The following RAD51B variants were observed in gnomAD, a reference collection of about 807,000 sequenced individuals.
RAD51B encodes the protein RAD51 paralog B.
RAD51B carries 38 observed loss-of-function variants against 42.2 expected under a neutral mutation model. The ratio of observed to expected loss-of-function variants is 0.90; its 90% CI spans 0.70 to 1.18. The LOEUF (loss-of-function observed/expected upper bound fraction) is 1.18. Among genes scored for constraint, RAD51B ranks in the 50% most tolerant of loss-of-function variants. RAD51B has a pLI of 0.00. For synonymous variants in RAD51B, 154 were observed against 145.2 expected (o/e 1.06, Z -0.43); for missense variants, 373 against 400.7 (o/e 0.93, Z 0.59).
chr14:68,629,537 A>T (rs1481616080), intron 10 of RAD51B, among the ~76,000 whole-genome samples: 1 of 152,210 alleles, frequency 6.6e-6, no homozygotes, highest in Non-Finnish European at 1.5e-5. Flanking sequence ...CAGCTTGCGA[A>T]CAAAGCTTTC....
chr14:67,955,354 A>C (rs2140216422), intron 7 of RAD51B, among the ~76,000 whole-genome samples: 1 of 152,328 alleles, frequency 6.6e-6, no homozygotes, highest in East Asian at 1.9e-4. Context: ...GCCAATATGC[A>C]CTTAGGATTT....
At chr14:68,152,936 TC>T (rs1369173206) in intron 7 of RAD51B, among the ~76,000 whole-genome samples, 4 of 152,210 alleles carry the variant, frequency 2.6e-5, no homozygotes, top group African/African-American at 9.7e-5. Context: ...ATGATTTCAT[TC>T]CTTTTTATGG....
chr14:67,991,144 A>G (rs1033146517), intron 7 of RAD51B, among the ~76,000 whole-genome samples: 2 of 152,228 alleles, frequency 1.3e-5, no homozygotes, highest in African/African-American at 4.8e-5. Flanking sequence ...CCACTGCTGC[A>G]GTAGCCTGGG....
chr14:67,880,132 T>C (rs2042860171), intron 5 of RAD51B, among the ~76,000 whole-genome samples: 1 of 152,216 alleles, frequency 6.6e-6, no homozygotes, highest in Admixed American at 6.5e-5. Context: ...TCTCCACTGA[T>C]CTGAACAAAA....
chr14:68,237,758 A>G (rs1417938540), intron 7 of RAD51B, among the ~76,000 whole-genome samples: 10 of 109,990 alleles, frequency 9.1e-5, no homozygotes, highest in African/African-American at 2.6e-4. Flanking sequence ...TTTTTTTGAG[A>G]CGGAGTCTTG....
chr14:68,002,444 A>G (rs2075503072), intron 7 of RAD51B, among the ~76,000 whole-genome samples: 1 of 152,114 alleles, frequency 6.6e-6, no homozygotes, highest in Non-Finnish European at 1.5e-5. Flanking sequence ...CCTTTGTCAG[A>G]CAGATATATT....
At chr14:68,152,723 CTT>C (rs3072524) in intron 7 of RAD51B, among the ~76,000 whole-genome samples, 4,274 of 146,428 alleles carry the variant, frequency 0.029, 124 homozygotes, top group African/African-American at 0.076. Context: ...AGTACCCAAT[CTT>C]TTTTTTTTTT....
chr14:68,063,667 C>T lies in RAD51B; in HGVS notation c.756+176463C>T, dbSNP rs192292369. On this transcript the variant is annotated intron_variant, in intron 7 of 10. Transcript: ENST00000471583. ...AGGAGAATCACTTGAACCCAGGAGGCGGAGGTTGCAGTGAGCCAAGATTGT... is the reference window on the plus strand; with the variant it reads ...AGGAGAATCACTTGAACCCAGGAGGTGGAGGTTGCAGTGAGCCAAGATTGT... 1.8e-3 allele frequency among the ~76,000 whole-genome samples: 268 copies of T among 152,180 alleles called. 2 individuals carry two copies. The highest frequency in any genetic ancestry group is 6.1e-3 in the African/African-American group (252 of 41,524).
intron 7 of RAD51B, among the ~76,000 whole-genome samples, chr14:67,972,509 A>G (rs936831827): frequency 6.6e-6 from 1 of 152,154 alleles, no homozygotes; most frequent in African/African-American, 2.4e-5. Flanking sequence ...TAAAAAATGC[A>G]GAGGCAAGAG....
chr14:68,568,178 A>C (rs923905153), intron 10 of RAD51B, among the ~76,000 whole-genome samples: 1 of 152,264 alleles, frequency 6.6e-6, no homozygotes, highest in African/African-American at 2.4e-5. Context: ...GTCTTGCGAC[A>C]CAGAAAGGTA....
At chr14:67,875,380 CCACAGATAGTTATCTTTAA>C (rs1468327149) in intron 5 of RAD51B, among the ~76,000 whole-genome samples, 3 of 152,090 alleles carry the variant, frequency 2.0e-5, no homozygotes, top group Non-Finnish European at 2.9e-5. Context: ...GCCAAGTTCC[CCACAGATAGTTATCTTTAA>C]CACCTAGCAA....
intron 8 of RAD51B, among the ~76,000 whole-genome samples, chr14:68,375,007 A>G (rs905374060): frequency 1.3e-5 from 2 of 151,648 alleles, no homozygotes; most frequent in African/African-American, 4.8e-5. Context: ...CCAGGGCCCT[A>G]TTAAGATGTG....
intron 7 of RAD51B, among the ~76,000 whole-genome samples, chr14:67,959,951 G>C (rs2074627807): frequency 6.6e-6 from 1 of 152,126 alleles, no homozygotes; most frequent in African/African-American, 2.4e-5. Context: ...CCATGGTGGT[G>C]GTGGGTGCCT....
In RAD51B at chr14:68,638,098, AG is replaced by A. The variant is rs553388763; in HGVS notation, c.1037-12681del. ...TGTCCCTCGGGAGAGAAAGGAGAGAAGGCCAGTGAAGGAAGGCCTGGAAGAG... is the reference window on the plus strand; with the variant it reads ...TGTCCCTCGGGAGAGAAAGGAGAGAAGCCAGTGAAGGAAGGCCTGGAAGAG... On this transcript the variant is annotated intron_variant, in intron 10 of 11. Transcript: ENST00000488612. Among the ~76,000 whole-genome samples the A allele has an allele frequency of 4.1e-3, 624 of 152,362 alleles. 3 individuals are homozygous for A. Among genetic ancestry groups the A allele is most frequent in the African/African-American group, 0.015 (606 of 41,592 alleles).
At chr14:68,404,172 C>T (rs1369753789) in intron 8 of RAD51B, among the ~76,000 whole-genome samples, 1 of 152,194 alleles carries the variant, frequency 6.6e-6, no homozygotes, top group Non-Finnish European at 1.5e-5. Flanking sequence ...TTTCAAAGCT[C>T]AGTTCACGTA....
intron 4 of RAD51B, among the ~76,000 whole-genome samples, chr14:67,859,655 A>G (rs1389124028): frequency 6.6e-6 from 1 of 152,224 alleles, no homozygotes; most frequent in Non-Finnish European, 1.5e-5. Flanking sequence ...CACATAACTC[A>G]GTATCTAGAA....
At chr14:68,132,670 C>A (rs2077918936) in intron 7 of RAD51B, among the ~76,000 whole-genome samples, 1 of 152,202 alleles carries the variant, frequency 6.6e-6, no homozygotes, top group South Asian at 2.1e-4. Context: ...GCCCCAGAAA[C>A]TGCTAGAACC....
intron 7 of RAD51B, among the ~76,000 whole-genome samples, chr14:68,015,850 C>T (rs1159471110): frequency 1.3e-5 from 2 of 152,232 alleles, no homozygotes; most frequent in Non-Finnish European, 2.9e-5. Flanking sequence ...TCACTTTTCT[C>T]TGACACCATT....
intron 7 of RAD51B, among the ~76,000 whole-genome samples, chr14:68,152,069 C>G (rs137981998): frequency 1.2e-4 from 18 of 151,898 alleles, no homozygotes; most frequent in Admixed American, 1.0e-3. Context: ...GTTTCGAACT[C>G]CAGACCTCAG....
Sources: gnomAD v4.1 joint callset for allele counts (sites outside exome capture counted in the v4.1 genomes callset) on GRCh38, gnomAD v4.1.1 for gene constraint, MANE v1.5 for transcripts, NCBI Gene and HGNC (gene_info 2026-07-23, HGNC 2026-07-21) for gene names.